Variants in PRDM15 observed in about 807,000 individuals in gnomAD.
The protein encoded by PRDM15 is PR/SET domain 15.
PRDM15 carries 64 observed loss-of-function variants against 128.6 expected under a neutral mutation model. That is an observed-to-expected ratio of 0.50 (90% CI 0.41 to 0.61). The LOEUF (loss-of-function observed/expected upper bound fraction) is 0.61. Ranked by LOEUF, PRDM15 falls within the 20% of genes least tolerant of loss-of-function variation. PRDM15 has a pLI of 0.00. For synonymous variants in PRDM15, 615 were observed against 621.8 expected, an observed-to-expected ratio of 0.99 and a Z score of 0.16; for missense variants, 1,242 against 1,569.1, an observed-to-expected ratio of 0.79 and a Z score of 3.52.
intron 10 of PRDM15, 146 bp downstream of exon 10, chr21:41,835,967 C>CTACAGGCCT (rs1555880537): frequency 9.7e-6 from 1 of 102,854 alleles, no homozygotes; most frequent in Admixed American, 1.5e-4. Context: ...CCCACAGCCC[C>CTACAGGCCT]CGCCCACTCT....
chr21:41,807,876 T>C (rs1167988606), intron 21 of PRDM15, among the ~76,000 whole-genome samples: 1 of 152,194 alleles, frequency 6.6e-6, no homozygotes, highest in African/African-American at 2.4e-5. Context: ...CACTTGGTTC[T>C]GTCCGGGTTG....
intron 11 of PRDM15, chr21:41,834,581 A>G (rs756127778): frequency 3.9e-6 from 6 of 1,545,620 alleles, no homozygotes; most frequent in Non-Finnish European, 5.2e-6. Context: ...AGAGGGGGAC[A>G]CAAAGGCAAC....
chr21:41,807,445 G>C (rs1601756812), intron 21 of PRDM15, among the ~76,000 whole-genome samples: 1 of 152,136 alleles, frequency 6.6e-6, no homozygotes, highest in East Asian at 1.9e-4. Context: ...ACGGGGACAG[G>C]CTCGGGGGAC....
chr21:41,831,913 G>A (rs571015849), intron 11 of PRDM15, among the ~76,000 whole-genome samples: 44 of 152,332 alleles, frequency 2.9e-4, no homozygotes, highest in South Asian at 2.3e-3. Flanking sequence ...CAGATGCTAC[G>A]CTGAGTCCCA....
chr21:41,814,783 C>CT, intron 19 of PRDM15: 1 of 119,462 alleles, frequency 8.4e-6, no homozygotes, highest in East Asian at 2.5e-4. Context: ...GAGAATGCCT[C>CT]ATGTTAGTGA....
intron 9 of PRDM15, 57 bp from the exon 10 acceptor site, chr21:41,836,264 G>C: frequency 6.6e-7 from 1 of 1,508,302 alleles, no homozygotes. Flanking sequence ...ACCGAGAGAA[G>C]CATGCCCACC....
At position 41,802,869 on chromosome 21, in the gene PRDM15, G is replaced by A; in HGVS notation, c.2786C>T (p.Ala929Val). The change falls in exon 23 of 24, where the codon GCT becomes GTT. Residue 929 changes from alanine to valine, a missense_variant. Physicochemically the swap from Ala to Val is moderately conservative, Grantham distance 64. This residue lies in a region of PRDM15 where 602 missense variants were observed against 788.3 expected (regional missense o/e 0.76). Coordinates refer to ENST00000398548, the MANE Select transcript of PRDM15 (RefSeq NM_001040424.3). ...CTTTCTCTTGTGACTTCGCTTGGCA[G>A]CTTTCCCGTGCTTCCCTTCGGCCAA... ...EDLAEGKHGKAAKRSHKRKQK... is the reference protein window; with the variant it reads ...EDLAEGKHGKVAKRSHKRKQK... The A allele has an allele frequency of 6.2e-7, 1 of 1,614,152 alleles. No homozygotes were observed.
At chr21:41,858,578 G>T (rs889076248) in intron 3 of PRDM15, among the ~76,000 whole-genome samples, 1 of 151,736 alleles carries the variant, frequency 6.6e-6, no homozygotes, top group African/African-American at 2.4e-5. Context: ...CGGACATGGG[G>T]TGCCCAGAGC....
Position 41,854,527 on chromosome 21 carries a change from C to T in PRDM15, c.538+39G>A. 6.2e-7 allele frequency: 1 copy of T among 1,607,824 alleles called. No homozygotes were observed. Among genetic ancestry groups the T allele is most frequent in the Non-Finnish European group, 8.5e-7 (1 of 1,179,554 alleles). ...GGACCATAACCCCTTCGGCGAGGCA[C>T]AAGGGAAGGTGGGCTCCGGATCGGG... On this transcript the variant is annotated intron_variant, in intron 5 of 23. Transcript: ENST00000398548. The surrounding 1 kb of genome is among the most constrained non-coding windows in gnomAD (Gnocchi z 4.6).
chr21:41,864,541 A>C (rs1312652486), intron 1 of PRDM15, among the ~76,000 whole-genome samples: 1 of 152,018 alleles, frequency 6.6e-6, no homozygotes, highest in Non-Finnish European at 1.5e-5. Flanking sequence ...CCTACATCTT[A>C]GGACGCAGTT....
intron 11 of PRDM15, among the ~76,000 whole-genome samples, chr21:41,834,907 G>T (rs2062820471): frequency 1.3e-5 from 2 of 152,322 alleles, no homozygotes. Flanking sequence ...CTCACACAAG[G>T]AAAATGCTTT....
At chr21:41,819,929 G>T in intron 17 of PRDM15, 166 bp downstream of exon 17, 1 of 774,890 alleles carries the variant, frequency 1.3e-6, no homozygotes, top group Non-Finnish European at 2.1e-6. Flanking sequence ...GCTGGGCTGT[G>T]AGTGGCAGGG....
chr21:41,810,495 G>A lies in PRDM15; in HGVS notation c.2477-166C>T, dbSNP rs998691853. The A allele has an allele frequency of 1.3e-5, 10 of 741,188 alleles. No individual in the cohort carries two copies. The African/African-American group carries it at 1.4e-4, about 10-fold the overall frequency. The allele number at this position is 741,188 out of a possible 1,614,324, so 45.9% of individuals were successfully genotyped here. On this transcript the variant is annotated intron_variant, in intron 20 of 23. Transcript: ENST00000398548. The surrounding 1 kb of genome is among the most constrained non-coding windows in gnomAD (Gnocchi z 6.4). Reference sequence around the variant, plus strand: ...TGGTCCCCGAGCACACATGAGCACAGAGCCTCTGTCCCTTGGGGAGCACTG... The same window carrying A: ...TGGTCCCCGAGCACACATGAGCACAAAGCCTCTGTCCCTTGGGGAGCACTG...
chr21:41,870,307 AGTGT>A (rs1208110895), intron 1 of PRDM15, among the ~76,000 whole-genome samples: 1 of 152,198 alleles, frequency 6.6e-6, no homozygotes, highest in Non-Finnish European at 1.5e-5. Context: ...TTAGCAATCC[AGTGT>A]GTATTTTACC....
At chr21:41,805,127 T>C (rs928459672) in intron 21 of PRDM15, among the ~76,000 whole-genome samples, 6 of 152,222 alleles carry the variant, frequency 3.9e-5, no homozygotes, top group Admixed American at 3.9e-4. Context: ...ATGGCCCCAC[T>C]GAACGGGGTC....
At chr21:41,873,893 A>C (rs1237203234) in intron 1 of PRDM15, among the ~76,000 whole-genome samples, 3 of 151,982 alleles carry the variant, frequency 2.0e-5, no homozygotes, top group Non-Finnish European at 4.4e-5. Flanking sequence ...AGAAAACACA[A>C]AAGTTAGCCA....
At chr21:41,822,163 C>A in intron 14 of PRDM15, 126 bp from the exon 15 acceptor site, 1 of 1,323,832 alleles carries the variant, frequency 7.6e-7, no homozygotes, top group Non-Finnish European at 1.1e-6. Flanking sequence ...ATGCCCGTGG[C>A]GCCCTAACGA....
rs2061856034 is a variant in PRDM15 at position 41,811,339 on chromosome 21, A to G, written c.2393-503T>C. ...GATTCTTCAAAACTTGACTAATTCA[A>G]ATGAGAGCTGATGCCAGGCACGGTG... is the stretch of plus-strand genomic sequence containing the variant. On this transcript the variant is annotated intron_variant, in intron 19 of 23. Coordinates refer to ENST00000398548, the MANE Select transcript of PRDM15 (RefSeq NM_001040424.3). The surrounding 1 kb of genome is among the most constrained non-coding windows in gnomAD (Gnocchi z 4.1). The G allele has an allele frequency of 6.3e-6, 1 of 158,544 alleles. No homozygotes were observed. Among genetic ancestry groups the G allele is most frequent in the African/African-American group, 2.4e-5 (1 of 41,566 alleles). 9.8% of individuals were successfully genotyped at this position (158,544 alleles called of 1,614,324 possible).
intron 11 of PRDM15, among the ~76,000 whole-genome samples, chr21:41,831,188 G>A (rs73359664): frequency 0.022 from 3,345 of 152,346 alleles, 119 homozygotes; most frequent in African/African-American, 0.076. Context: ...TGCCATTTGT[G>A]CAAAGCAGCC....
Sources: allele counts gnomAD v4.1 joint callset (sites outside exome capture counted in the v4.1 genomes callset), GRCh38; gene constraint gnomAD v4.1.1; regional missense constraint gnomAD v4.1.1; non-coding constraint Gnocchi (gnomAD v3.1); transcripts MANE v1.5; gene names NCBI Gene and HGNC (gene_info 2026-07-23, HGNC 2026-07-21).